FGF12: variants seen among roughly 807,000 people sequenced by gnomAD.
The protein encoded by FGF12 is fibroblast growth factor 12, also known as fibroblast growth factor 12B.
A neutral mutation model predicts 23.6 loss-of-function variants in FGF12; 14 were observed. The observed-to-expected ratio is 0.59, with a 90% confidence interval of 0.39 to 0.93. The LOEUF (loss-of-function observed/expected upper bound fraction) is 0.93, where lower values mean the gene tolerates loss of function less well. FGF12 is among the 40% of genes least tolerant of loss of function. The pLI is 0.00. For synonymous variants in FGF12, 62 were observed against 77.3 expected (o/e 0.80, Z 1.04); for missense variants, 175 against 217.8 (o/e 0.80, Z 1.24).
intron 2 of FGF12, among the ~76,000 whole-genome samples, chr3:192,547,443 C>T (rs1224036431): frequency 6.6e-6 from 1 of 152,130 alleles, no homozygotes; most frequent in Non-Finnish European, 1.5e-5. Flanking sequence ...CAATAAACTC[C>T]CCCAATGTCT....
chr3:192,550,999 T>A (rs1401265017), intron 2 of FGF12, among the ~76,000 whole-genome samples: 1 of 152,128 alleles, frequency 6.6e-6, no homozygotes, highest in Non-Finnish European at 1.5e-5. Context: ...GTGTATGCAA[T>A]ATTAAATAAA....
chr3:192,167,764 TATATAAAA>T (rs1316446268), intron 5 of FGF12, among the ~76,000 whole-genome samples: 391 of 32,376 alleles, frequency 0.012, 37 homozygotes, highest in African/African-American at 0.035. Context: ...TATATATATA[TATATAAAA>T]TTTTTTTTTT....
intron 2 of FGF12, among the ~76,000 whole-genome samples, chr3:192,499,662 G>A (rs1364299700): frequency 6.7e-6 from 1 of 149,302 alleles, no homozygotes; most frequent in Non-Finnish European, 1.5e-5. Flanking sequence ...CTCCCAAGTA[G>A]CTGGGACTAC....
At chr3:192,616,673 G>A (rs1714765927) in intron 2 of FGF12, among the ~76,000 whole-genome samples, 1 of 151,964 alleles carries the variant, frequency 6.6e-6, no homozygotes, top group Admixed American at 6.6e-5. Flanking sequence ...TGCATGAGAG[G>A]TAGTAAAGTA....
chr3:192,321,182 T>C (rs1716515144), intron 4 of FGF12, among the ~76,000 whole-genome samples: 1 of 151,986 alleles, frequency 6.6e-6, no homozygotes, highest in South Asian at 2.1e-4. Context: ...TATAAGCAAC[T>C]ACACACCAAT....
At chr3:192,334,509 A>G (rs560416996) in intron 4 of FGF12, among the ~76,000 whole-genome samples, 11 of 152,242 alleles carry the variant, frequency 7.2e-5, no homozygotes, top group Admixed American at 7.2e-4. Flanking sequence ...CTCTCTTACA[A>G]GAAAGCGGAA....
Position 192,147,113 on chromosome 3 carries a change from G to C in FGF12, c.428-2986C>G, listed in dbSNP as rs113549246. On this transcript the variant is annotated intron_variant, in intron 5 of 5. Transcript: ENST00000445105. ...ATACTTCTGTTAACCAAAATAAAAA[G>C]ATGTTCAGAGAAAGCAAACTAAAGT... Among the ~76,000 whole-genome samples, 1,326 of 152,200 alleles carry C rather than the reference G, an allele frequency of 8.7e-3. 25 individuals are homozygous for C. Among genetic ancestry groups the C allele is most frequent in the African/African-American group, 0.03 (1,250 of 41,532 alleles).
intron 4 of FGF12, among the ~76,000 whole-genome samples, chr3:192,190,636 C>T (rs1004180560): frequency 2.6e-5 from 4 of 151,864 alleles, no homozygotes; most frequent in Admixed American, 6.6e-5. Context: ...CCACCGCGCC[C>T]GGCTAATTTT....
chr3:192,697,298 A>G (rs963705085), intron 2 of FGF12, among the ~76,000 whole-genome samples: 4 of 152,206 alleles, frequency 2.6e-5, no homozygotes, highest in Admixed American at 6.5e-5. Flanking sequence ...TTAGACTTGC[A>G]TTGCTTTTGG....
chr3:192,311,630 A>G (rs918768403), intron 4 of FGF12, among the ~76,000 whole-genome samples: 4 of 152,174 alleles, frequency 2.6e-5, no homozygotes, highest in Non-Finnish European at 2.9e-5. Context: ...CTTTGTGTAG[A>G]CATATATTGC....
chr3:192,577,864 C>T (rs917002758), intron 2 of FGF12, among the ~76,000 whole-genome samples: 2 of 60,930 alleles, frequency 3.3e-5, no homozygotes, highest in Non-Finnish European at 6.1e-5. Flanking sequence ...TCTTAAAATA[C>T]TAATGTGAAG....
At chr3:192,304,111 C>T (rs78984163) in intron 4 of FGF12, among the ~76,000 whole-genome samples, 4,304 of 152,166 alleles carry the variant, frequency 0.028, 158 homozygotes, top group South Asian at 0.17. Context: ...TTTAATGCTG[C>T]GAGAACTTGA....
intron 2 of FGF12, among the ~76,000 whole-genome samples, chr3:192,371,206 A>G (rs1431454746): frequency 6.6e-6 from 1 of 152,218 alleles, no homozygotes; most frequent in African/African-American, 2.4e-5. Flanking sequence ...AGAGCCAGAC[A>G]AGCCATTCAG....
In FGF12 at chr3:192,553,803, C is replaced by T. The variant is rs183935366; in HGVS notation, c.13+173378G>A. Among the ~76,000 whole-genome samples the T allele has an allele frequency of 1.6e-4, 25 of 152,000 alleles. 1 individual carries two copies. The highest frequency in any genetic ancestry group is 1.4e-3 in the Admixed American group (21 of 15,266). ...AACACATCCAAAACTCAGACTTTTG[C>T]GGTGCTGCCCAAGGAACTGGTTTAT... On this transcript the variant is annotated intron_variant, in intron 2 of 5. Transcript: ENST00000445105.
At chr3:192,601,723 C>T (rs62292996) in intron 2 of FGF12, among the ~76,000 whole-genome samples, 23,121 of 152,018 alleles carry the variant, frequency 0.15, 1,789 homozygotes, top group Middle Eastern at 0.19. Context: ...CTGTGGATAC[C>T]AAAATCCACA....
intron 2 of FGF12, among the ~76,000 whole-genome samples, chr3:192,472,748 C>T (rs1220980327): frequency 6.6e-6 from 1 of 152,150 alleles, no homozygotes; most frequent in Non-Finnish European, 1.5e-5. Flanking sequence ...CTGGGCTCCT[C>T]AGCCCTGTCT....
intron 4 of FGF12, among the ~76,000 whole-genome samples, chr3:192,276,434 T>A (rs914163009): frequency 2.0e-5 from 3 of 151,980 alleles, no homozygotes; most frequent in Non-Finnish European, 4.4e-5. Flanking sequence ...GATTCACTAC[T>A]TTTTTGGTTA....
At chr3:192,727,074 G>T in intron 2 of FGF12, 107 bp downstream of exon 2, 2 of 1,373,090 alleles carry the variant, frequency 1.5e-6, no homozygotes, top group East Asian at 2.5e-5. Context: ...CTCCTCTATC[G>T]ACCTAGTATG....
At chr3:192,402,645 C>T (rs182677182) in intron 2 of FGF12, among the ~76,000 whole-genome samples, 66 of 152,270 alleles carry the variant, frequency 4.3e-4, no homozygotes, top group Admixed American at 1.6e-3. Context: ...GTCTCATTGC[C>T]ACTTGAGGCT....
Sources: allele counts gnomAD v4.1 joint callset (sites outside exome capture counted in the v4.1 genomes callset), GRCh38; gene constraint gnomAD v4.1.1; transcripts MANE v1.5; gene names NCBI Gene and HGNC (gene_info 2026-07-23, HGNC 2026-07-21).